PSD3: variants seen among roughly 807,000 people sequenced by gnomAD.
PSD3 encodes pleckstrin and Sec7 domain containing 3.
Under a neutral mutation model 105.5 loss-of-function variants are expected in PSD3, and 49 were observed. The ratio of observed to expected loss-of-function variants is 0.46; its 90% confidence interval spans 0.37 to 0.59. The LOEUF (loss-of-function observed/expected upper bound fraction) is 0.59, where lower values mean the gene tolerates loss of function less well. PSD3 is among the 20% of genes least tolerant of loss of function. The pLI, the probability that PSD3 is intolerant of heterozygous loss-of-function variation, is 0.00. For synonymous variants in PSD3, 557 were observed against 457.8 expected (o/e 1.22, Z -2.77); for missense variants, 1,561 against 1,263.8 (o/e 1.24, Z -3.57).
Position 18,966,088 on chromosome 8 carries a change from GC to G in PSD3, c.22-29947del, listed in dbSNP as rs200472192. Among the ~76,000 whole-genome samples the G allele has an allele frequency of 3.0e-3, 458 of 152,300 alleles. 3 individuals carry two copies. Among genetic ancestry groups the G allele is most frequent in the African/African-American group, 0.011 (442 of 41,562 alleles). On this transcript the variant is annotated intron_variant, in intron 1 of 15. Coordinates refer to ENST00000327040, the MANE Select transcript of PSD3 (RefSeq NM_015310.4). ...ATAACTTTTCCCAGGATTACAGCTA[GC>G]ACTCAGTCAGAGAAAACAGTCGACT...
chr8:18,636,027 C>T (rs1245376486), intron 10 of PSD3, among the ~76,000 whole-genome samples: 1 of 152,094 alleles, frequency 6.6e-6, no homozygotes, highest in South Asian at 2.1e-4. Flanking sequence ...CCTGCAGGTT[C>T]TGCACATGTA....
intron 2 of PSD3, among the ~76,000 whole-genome samples, 183 bp downstream of exon 2, chr8:18,935,851 G>C (rs1586469286): frequency 1.3e-5 from 2 of 152,182 alleles, no homozygotes; most frequent in South Asian, 4.1e-4. Context: ...ACCAAGAATA[G>C]GCCACAAGAA....
intron 9 of PSD3, among the ~76,000 whole-genome samples, chr8:18,723,333 C>G (rs973551936): frequency 3.3e-5 from 5 of 152,216 alleles, no homozygotes; most frequent in Admixed American, 3.3e-4. Context: ...AGCTGTCATG[C>G]AAACTCTGCA....
intron 10 of PSD3, among the ~76,000 whole-genome samples, chr8:18,643,105 T>C (rs1807772720): frequency 6.6e-6 from 1 of 152,208 alleles, no homozygotes; most frequent in Non-Finnish European, 1.5e-5. Flanking sequence ...TTTCTTACAG[T>C]TCTGGAGACT....
At chr8:18,759,524 A>C (rs1210833893) in intron 9 of PSD3, among the ~76,000 whole-genome samples, 1 of 152,214 alleles carries the variant, frequency 6.6e-6, no homozygotes, top group African/African-American at 2.4e-5. Context: ...TGTTTCAGCT[A>C]ATTTCTTTCT....
intron 9 of PSD3, among the ~76,000 whole-genome samples, chr8:18,669,236 T>C (rs1053294724): frequency 4.6e-5 from 7 of 152,240 alleles, no homozygotes; most frequent in African/African-American, 1.7e-4. Flanking sequence ...GAATGTACTT[T>C]TTCTGATACA....
chr8:18,540,453 G>C (rs576298847), intron 15 of PSD3, among the ~76,000 whole-genome samples: 1 of 152,252 alleles, frequency 6.6e-6, no homozygotes, highest in Admixed American at 6.5e-5. Flanking sequence ...CTAGTACTTA[G>C]GGAGAAAGCT....
At chr8:18,835,590 G>T (rs9325842) in intron 4 of PSD3, among the ~76,000 whole-genome samples, 2,318 of 152,290 alleles carry the variant, frequency 0.015, 58 homozygotes, top group African/African-American at 0.052. Flanking sequence ...CCAAGGGGCC[G>T]TGGGGAAGCA....
At chr8:18,571,335 C>T (rs1033118720) in intron 14 of PSD3, among the ~76,000 whole-genome samples, 1 of 150,342 alleles carries the variant, frequency 6.7e-6, no homozygotes, top group African/African-American at 2.5e-5. Context: ...GTTCCTGCAT[C>T]CAGCGCTCTC....
At chr8:19,013,437 G>A in intron 1 of PSD3, 126 bp downstream of exon 1, 1 of 1,339,584 alleles carries the variant, frequency 7.5e-7, no homozygotes, top group Non-Finnish European at 1.0e-6. Context: ...CACCTATCCA[G>A]ACAGCACAAA....
chr8:18,939,229 C>T (rs1206130330), intron 1 of PSD3, among the ~76,000 whole-genome samples: 1 of 152,060 alleles, frequency 6.6e-6, no homozygotes, highest in Non-Finnish European at 1.5e-5. Flanking sequence ...AAGCAATTGC[C>T]AATCAAGAGA....
At chr8:18,958,771 T>C (rs1823731348) in intron 1 of PSD3, among the ~76,000 whole-genome samples, 1 of 152,204 alleles carries the variant, frequency 6.6e-6, no homozygotes, top group African/African-American at 2.4e-5. Flanking sequence ...ATTTTAAAAA[T>C]AACCTTAGCA....
intron 11 of PSD3, among the ~76,000 whole-genome samples, chr8:18,630,350 G>C (rs1806806402): frequency 6.6e-6 from 1 of 151,944 alleles, no homozygotes; most frequent in African/African-American, 2.4e-5. Flanking sequence ...CTCAGGTTCT[G>C]TATCTATATT....
intron 9 of PSD3, among the ~76,000 whole-genome samples, chr8:18,677,996 C>A (rs969809031): frequency 1.3e-4 from 16 of 126,214 alleles, no homozygotes; most frequent in African/African-American, 5.3e-4. Context: ...GGCAGCAGAG[C>A]GAGACTCTGT....
chr8:18,934,825 C>T (rs1250015439), intron 2 of PSD3, among the ~76,000 whole-genome samples: 1 of 152,168 alleles, frequency 6.6e-6, no homozygotes, highest in African/African-American at 2.4e-5. Context: ...CTTTTCCAAT[C>T]TAATTCTCAA....
chr8:18,593,319 G>C (rs1050432536), intron 12 of PSD3, among the ~76,000 whole-genome samples: 21 of 152,170 alleles, frequency 1.4e-4, no homozygotes, highest in African/African-American at 5.1e-4. Context: ...TGAAGGATAT[G>C]AACAGACACT....
At chr8:18,839,615 T>C (rs1403033613) in intron 4 of PSD3, among the ~76,000 whole-genome samples, 1 of 152,186 alleles carries the variant, frequency 6.6e-6, no homozygotes, top group Non-Finnish European at 1.5e-5. Context: ...CCAGGTTTAC[T>C]CACCCAGAGA....
At chr8:19,064,334 C>T (rs770108080) in intron 1 of PSD3, among the ~76,000 whole-genome samples, 17 of 151,922 alleles carry the variant, frequency 1.1e-4, no homozygotes, top group African/African-American at 3.6e-4. Context: ...GTTTTTGATT[C>T]GTTTCTTAAA....
chr8:18,638,785 A>G (rs1280479438), intron 10 of PSD3, among the ~76,000 whole-genome samples: 1 of 152,228 alleles, frequency 6.6e-6, no homozygotes, highest in African/African-American at 2.4e-5. Context: ...CAGCCAAAGC[A>G]ATCTTCAGCA....
Sources: gnomAD v4.1 joint callset for allele counts (sites outside exome capture counted in the v4.1 genomes callset) on GRCh38, gnomAD v4.1.1 for gene constraint, MANE v1.5 for transcripts, NCBI Gene and HGNC (gene_info 2026-07-23, HGNC 2026-07-21) for gene names.